Variants in CAPG observed in about 807,000 individuals in gnomAD.
CAPG encodes the protein capping actin protein, gelsolin like, also known as macrophage-capping protein.
A neutral mutation model predicts 44.6 loss-of-function variants in CAPG; 32 were observed. The ratio of observed to expected loss-of-function variants is 0.72; its 90% confidence interval spans 0.54 to 0.96. The LOEUF (loss-of-function observed/expected upper bound fraction) is 0.96, where lower values mean the gene tolerates loss of function less well. Ranked by LOEUF, CAPG falls within the 50% of genes least tolerant of loss-of-function variation. CAPG has a pLI of 0.00. For synonymous variants in CAPG, 175 were observed against 179.6 expected, an observed-to-expected ratio of 0.97 and a Z score of 0.20; for missense variants, 412 against 438.3, an observed-to-expected ratio of 0.94 and a Z score of 0.54.
chr2:85,397,185 C>G (rs181718587), intron 8 of CAPG, among the ~76,000 whole-genome samples: 392 of 152,258 alleles, frequency 2.6e-3, no homozygotes, highest in African/African-American at 8.9e-3. Flanking sequence ...GTCCCAGAAG[C>G]CCCAAAGGTC....
rs189477593 is a variant in CAPG, at chr2:85,396,679, C to G, written c.893-1053G>C. Among the ~76,000 whole-genome samples, 36 of 152,266 alleles carry G rather than the reference C, an allele frequency of 2.4e-4. No individual in the cohort carries two copies. The East Asian group carries it at 6.8e-3, about 29-fold the overall frequency. On this transcript the variant is annotated intron_variant, in intron 8 of 9. Transcript: ENST00000263867. The stretch of plus-strand genomic sequence containing the variant: ...CTTCTGTGGGCCTCTGTGAACCCCC[C>G]TCTGCTTGGCATTGGTTCCATGGGA...
At chr2:85,405,906 ACAC>A (rs1343684767) in intron 1 of CAPG, among the ~76,000 whole-genome samples, 3 of 152,214 alleles carry the variant, frequency 2.0e-5, no homozygotes, top group African/African-American at 7.2e-5. Flanking sequence ...CAAGAATGAG[ACAC>A]GGAGTGCGCC....
intron 5 of CAPG, 64 bp from the exon 6 acceptor site, chr2:85,399,349 G>C (rs1686769371): frequency 6.4e-7 from 1 of 1,554,824 alleles, no homozygotes; most frequent in African/African-American, 1.4e-5. Flanking sequence ...CCAGCTCAGA[G>C]AAGGGCGCAC....
At chr2:85,393,123 C>T (rs1393974023), downstream of CAPG, among the ~76,000 whole-genome samples, 1 of 151,772 alleles carries the variant, frequency 6.6e-6, no homozygotes, top group Non-Finnish European at 1.5e-5. Flanking sequence ...GCAATCTCCA[C>T]CTCCCGGGCT....
At chr2:85,397,351 G>A (rs760784791) in intron 8 of CAPG, among the ~76,000 whole-genome samples, 3 of 152,178 alleles carry the variant, frequency 2.0e-5, no homozygotes, top group Non-Finnish European at 4.4e-5. Context: ...TAAACAGGCC[G>A]TGGGGTGATT....
chr2:85,397,961 A>C, intron 8 of CAPG, 59 bp downstream of exon 8: 1 of 1,561,432 alleles, frequency 6.4e-7, no homozygotes, highest in South Asian at 1.2e-5. Context: ...TGCAAAGGGA[A>C]GCCTGCCCGG....
At chr2:85,417,190 A>G (rs1687571995) in intron 1 of CAPG, among the ~76,000 whole-genome samples, 1 of 152,086 alleles carries the variant, frequency 6.6e-6, no homozygotes, top group South Asian at 2.1e-4. Context: ...AACAGCTAAC[A>G]CTATTGTGTG....
intron 1 of CAPG, among the ~76,000 whole-genome samples, chr2:85,406,944 T>A (rs1171927491): frequency 1.3e-5 from 2 of 151,830 alleles, no homozygotes; most frequent in Non-Finnish European, 2.9e-5. Flanking sequence ...CTTTTTTTTT[T>A]TTTTGAGACA....
Position 85,395,496 on chromosome 2 carries a change from A to G in CAPG, c.981+42T>C. 1 of 1,542,472 alleles carries G rather than the reference A, an allele frequency of 6.5e-7. No individual in the cohort carries two copies. The highest frequency in any genetic ancestry group is 8.9e-7 in the Non-Finnish European group (1 of 1,119,398). On this transcript the variant is annotated intron_variant, in intron 9 of 9. Transcript: ENST00000263867. This position sits in a 1 kb window ranked among gnomAD's most constrained non-coding sequence, Gnocchi z 4.3. ...ATTTGAGGGGTCAGGGGCCACAGGA[A>G]GAGCCCTAGGAAGAGGGCTGTGGTT...
chr2:85,402,811 C>G (rs1686967015), intron 1 of CAPG, among the ~76,000 whole-genome samples: 1 of 148,814 alleles, frequency 6.7e-6, no homozygotes, highest in East Asian at 2.0e-4. Flanking sequence ...CACTCTGTCA[C>G]TCAGGCTGGA....
intron 1 of CAPG, among the ~76,000 whole-genome samples, chr2:85,404,015 A>G (rs989894111): frequency 2.6e-5 from 4 of 152,248 alleles, no homozygotes; most frequent in Admixed American, 2.0e-4. Context: ...ATATCTGAAA[A>G]TCAGGGTGAT....
chr2:85,415,593 T>C (rs1049469858), intron 1 of CAPG, among the ~76,000 whole-genome samples: 2 of 152,210 alleles, frequency 1.3e-5, no homozygotes, highest in African/African-American at 4.8e-5. Flanking sequence ...CCAGGGACCG[T>C]GTCAAGTCAT....
rs1686505681 is a variant in CAPG at position 85,394,825 on chromosome 2, G to A, written c.*68C>T. 1 of 1,146,442 alleles carries A rather than the reference G, an allele frequency of 8.7e-7. No individual in the cohort carries two copies. Among genetic ancestry groups the A allele is most frequent in the Non-Finnish European group, 1.3e-6 (1 of 752,438 alleles). 71.0% of individuals were successfully genotyped at this position (1,146,442 alleles called of 1,614,324 possible). A position where few individuals can be genotyped will look rare whatever the true frequency, so the allele number is the denominator to read the frequency against. The stretch of plus-strand genomic sequence containing the variant: ...GCAGGGGGCACCTCTGCACTGACCA[G>A]GCAGCCAGAGAAGCAAGCAGGCAGG... On this transcript the variant is annotated 3_prime_UTR_variant, in exon 10 of 10. Coordinates refer to ENST00000263867, the MANE Select transcript of CAPG (RefSeq NM_001747.4).
At chr2:85,402,455 CA>C (rs1259742896) in intron 1 of CAPG, among the ~76,000 whole-genome samples, 1 of 152,072 alleles carries the variant, frequency 6.6e-6, no homozygotes, top group African/African-American at 2.4e-5. Flanking sequence ...AAAACAGAAA[CA>C]AGAGAGAAGA....
At chr2:85,407,712 C>CAA (rs60228110) in intron 1 of CAPG, among the ~76,000 whole-genome samples, 1,852 of 90,988 alleles carry the variant, frequency 0.02, 51 homozygotes, top group Middle Eastern at 0.034. Flanking sequence ...GACTCTGTCT[C>CAA]AAAAAAAAAA....
chr2:85,397,760 C>T lies in CAPG; in HGVS notation c.892+260G>A, dbSNP rs547218253. Among the ~76,000 whole-genome samples the T allele has an allele frequency of 3.1e-4, 46 of 149,112 alleles. No homozygotes were observed. In the South Asian group the frequency reaches 9.7e-3, roughly 32 times the overall value. ...GCAAGGCCTATGCCATGGCTCACGC[C>T]TGTAATCCCAGCACTTTGGGAGGCC... On this transcript the variant is annotated intron_variant, in intron 8 of 9. Coordinates refer to ENST00000263867, the MANE Select transcript of CAPG (RefSeq NM_001747.4).
chr2:85,412,406 A>G (rs1452439373), upstream of CAPG, among the ~76,000 whole-genome samples: 6 of 151,490 alleles, frequency 4.0e-5, no homozygotes, highest in Non-Finnish European at 7.4e-5. Context: ...TCAGCTATTC[A>G]GGAGGCTGAG....
At chr2:85,399,347 G>C in intron 5 of CAPG, 62 bp from the exon 6 acceptor site, 1 of 1,562,400 alleles carries the variant, frequency 6.4e-7, no homozygotes, top group South Asian at 1.1e-5. Flanking sequence ...CCCCAGCTCA[G>C]AGAAGGGCGC....
intron 1 of CAPG, among the ~76,000 whole-genome samples, chr2:85,404,935 CA>C (rs538367727): frequency 0.18 from 20,576 of 111,636 alleles, 1,462 homozygotes; most frequent in South Asian, 0.25. Context: ...AACCCCCTCT[CA>C]AAAAAAAAAA....
Sources: gnomAD v4.1 joint callset for allele counts (sites outside exome capture counted in the v4.1 genomes callset) on GRCh38, gnomAD v4.1.1 for gene constraint, Gnocchi (gnomAD v3.1) non-coding constraint, MANE v1.5 for transcripts, NCBI Gene and HGNC (gene_info 2026-07-23, HGNC 2026-07-21) for gene names.